DLGAP2: variants seen among roughly 807,000 people sequenced by gnomAD.
DLGAP2 encodes disks large-associated protein 2.
A neutral mutation model predicts 100.3 loss-of-function variants in DLGAP2; 26 were observed. That is an observed-to-expected ratio of 0.26 (90% CI 0.19 to 0.36). DLGAP2 has a LOEUF of 0.36. DLGAP2 is among the 10% of genes least tolerant of loss of function. The pLI is 1.00. For synonymous variants in DLGAP2, 886 were observed against 630.1 expected, an observed-to-expected ratio of 1.41 and a Z score of -6.08; for missense variants, 1,858 against 1,453.2, an observed-to-expected ratio of 1.28 and a Z score of -4.53.
intron 2 of DLGAP2, among the ~76,000 whole-genome samples, chr8:1,127,270 G>C (rs1315236565): frequency 6.6e-6 from 1 of 151,720 alleles, no homozygotes; most frequent in African/African-American, 2.4e-5. Context: ...TGGGCTCATT[G>C]GGGTGACTCC....
At chr8:1,267,898 G>A (rs1465338538) in intron 3 of DLGAP2, among the ~76,000 whole-genome samples, 1 of 152,094 alleles carries the variant, frequency 6.6e-6, no homozygotes, top group Non-Finnish European at 1.5e-5. Flanking sequence ...TCATAGCCCT[G>A]TAGTTTTGAA....
intron 2 of DLGAP2, among the ~76,000 whole-genome samples, chr8:981,465 A>G (rs527494004): frequency 3.3e-5 from 5 of 152,158 alleles, no homozygotes; most frequent in Middle Eastern, 3.4e-3. Context: ...GCGCTAGGTC[A>G]TTTGGTAAAT....
At chr8:1,156,556 G>A (rs1796791346) in intron 2 of DLGAP2, among the ~76,000 whole-genome samples, 1 of 151,934 alleles carries the variant, frequency 6.6e-6, no homozygotes. Flanking sequence ...TCCCGGCCAC[G>A]CTCTAGCTCA....
intron 1 of DLGAP2, among the ~76,000 whole-genome samples, chr8:903,522 G>A (rs1047815507): frequency 6.6e-6 from 1 of 152,112 alleles, no homozygotes; most frequent in Admixed American, 6.5e-5. Flanking sequence ...TACAGCAGCT[G>A]CCAGTGTCAG....
At chr8:1,275,372 A>C (rs1398524867) in intron 3 of DLGAP2, among the ~76,000 whole-genome samples, 1 of 151,494 alleles carries the variant, frequency 6.6e-6, no homozygotes, top group Non-Finnish European at 1.5e-5. Context: ...AAAAAAAAAA[A>C]AACACAATAG....
At chr8:1,251,154 C>G (rs1212648316) in intron 2 of DLGAP2, among the ~76,000 whole-genome samples, 2 of 152,176 alleles carry the variant, frequency 1.3e-5, no homozygotes, top group Non-Finnish European at 2.9e-5. Context: ...AATATCATTA[C>G]CACAATTTCT....
chr8:1,182,264 G>T (rs1025766110), intron 2 of DLGAP2, among the ~76,000 whole-genome samples: 58 of 152,350 alleles, frequency 3.8e-4, no homozygotes, highest in African/African-American at 1.3e-3. Flanking sequence ...TTCCTGTTTT[G>T]GACAAATGGA....
At chr8:1,099,089 G>A (rs1804495509) in intron 2 of DLGAP2, among the ~76,000 whole-genome samples, 1 of 152,108 alleles carries the variant, frequency 6.6e-6, no homozygotes, top group Non-Finnish European at 1.5e-5. Flanking sequence ...ATTCTTTGAA[G>A]GCAAAAACTA....
chr8:1,282,094 A>C (rs1462050137), intron 3 of DLGAP2, among the ~76,000 whole-genome samples: 1 of 141,600 alleles, frequency 7.1e-6, no homozygotes, highest in Non-Finnish European at 1.5e-5. Flanking sequence ...ACATGGTGTG[A>C]CCTGAACCCA....
chr8:930,310 C>A (rs1343489727), intron 2 of DLGAP2, among the ~76,000 whole-genome samples: 1 of 152,186 alleles, frequency 6.6e-6, no homozygotes. Flanking sequence ...TGCCGGCCAC[C>A]AGCGTTTAAA....
intron 2 of DLGAP2, among the ~76,000 whole-genome samples, chr8:989,331 G>A (rs1262943079): frequency 6.6e-6 from 1 of 152,236 alleles, no homozygotes; most frequent in Non-Finnish European, 1.5e-5. Flanking sequence ...CCCAGGGCCT[G>A]AGGGAGGGGC....
intron 3 of DLGAP2, among the ~76,000 whole-genome samples, chr8:1,288,045 TG>T (rs1799980443): frequency 6.9e-6 from 1 of 144,758 alleles, no homozygotes; most frequent in Admixed American, 6.9e-5. Flanking sequence ...TGTGTGTGTG[TG>T]TGTGTATGGT....
intron 2 of DLGAP2, among the ~76,000 whole-genome samples, chr8:1,205,330 C>G (rs1797967739): frequency 6.6e-6 from 1 of 152,152 alleles, no homozygotes; most frequent in Non-Finnish European, 1.5e-5. Context: ...GCAGCCTGTT[C>G]CTCAGGGTCT....
chr8:1,264,882 C>A (rs563765779), intron 3 of DLGAP2, among the ~76,000 whole-genome samples: 1 of 152,010 alleles, frequency 6.6e-6, no homozygotes, highest in Non-Finnish European at 1.5e-5. Flanking sequence ...GTGCTGTTCT[C>A]GTGATAGTGA....
intron 2 of DLGAP2, among the ~76,000 whole-genome samples, chr8:911,934 T>C (rs1180713687): frequency 2.6e-5 from 4 of 152,248 alleles, no homozygotes; most frequent in African/African-American, 9.6e-5. Context: ...CCCTTGATTA[T>C]TAATGACCTT....
intron 12 of DLGAP2, among the ~76,000 whole-genome samples, chr8:1,683,765 G>A (rs752167120): frequency 7.0e-6 from 1 of 143,116 alleles, no homozygotes; most frequent in Non-Finnish European, 1.5e-5. Flanking sequence ...GAGGCTGGGA[G>A]TAGCTTCAAC....
intron 2 of DLGAP2, among the ~76,000 whole-genome samples, chr8:1,131,686 G>C (rs1200389019): frequency 2.0e-5 from 3 of 150,970 alleles, no homozygotes; most frequent in Non-Finnish European, 2.9e-5. Context: ...GCCGGACGCG[G>C]CTGCTGTTCC....
At chr8:1,432,094 G>A (rs996319288) in intron 3 of DLGAP2, among the ~76,000 whole-genome samples, 2 of 151,232 alleles carry the variant, frequency 1.3e-5, no homozygotes, top group Non-Finnish European at 2.9e-5. Flanking sequence ...CACTGCTACA[G>A]GCTGCCATCC....
At chr8:810,153 T>C (rs1796345838) in intron 1 of DLGAP2, among the ~76,000 whole-genome samples, 1 of 152,230 alleles carries the variant, frequency 6.6e-6, no homozygotes, top group African/African-American at 2.4e-5. Flanking sequence ...CTCCTCTCTC[T>C]GGAACATGTG....
Sources: allele counts gnomAD v4.1 joint callset (sites outside exome capture counted in the v4.1 genomes callset), GRCh38; gene constraint gnomAD v4.1.1; transcripts MANE v1.5; gene names NCBI Gene and HGNC (gene_info 2026-07-23, HGNC 2026-07-21).